Variants in CACNB2 observed in about 807,000 individuals in gnomAD.
CACNB2 encodes the protein calcium voltage-gated channel auxiliary subunit beta 2, also known as voltage-dependent L-type calcium channel subunit beta-2.
CACNB2 carries 42 observed loss-of-function variants against 73.3 expected under a neutral mutation model. The observed-to-expected ratio is 0.57, with a 90% CI of 0.45 to 0.74. The LOEUF is 0.74. Among genes scored for constraint, CACNB2 ranks in the 30% least tolerant of loss-of-function variants. CACNB2 has a pLI of 0.00. For synonymous variants in CACNB2, 348 were observed against 310.3 expected, an observed-to-expected ratio of 1.12 and a Z score of -1.28; for missense variants, 940 against 853.0, an observed-to-expected ratio of 1.10 and a Z score of -1.27.
chr10:18,269,397 C>G (rs2037950584), intron 2 of CACNB2, among the ~76,000 whole-genome samples: 1 of 152,144 alleles, frequency 6.6e-6, no homozygotes, highest in African/African-American at 2.4e-5. Context: ...TCCTATTTCT[C>G]CTAATCTACA....
intron 2 of CACNB2, among the ~76,000 whole-genome samples, chr10:18,202,748 T>C (rs1475679129): frequency 6.6e-6 from 1 of 152,232 alleles, no homozygotes; most frequent in Non-Finnish European, 1.5e-5. Context: ...TTCTGTGTTG[T>C]GGCTGTGGAG....
At chr10:18,404,701 A>G (rs1176333554) in intron 3 of CACNB2, among the ~76,000 whole-genome samples, 1 of 152,180 alleles carries the variant, frequency 6.6e-6, no homozygotes, top group Non-Finnish European at 1.5e-5. Flanking sequence ...ATACAAACAC[A>G]TTATCCACTA....
In CACNB2 at chr10:18,418,882, C is replaced by T. The variant is rs2045157576; in HGVS notation, c.333+16839C>T. ...TACAGTCTAATCTTCTCGTCTTTGG[C>T]TTTCTCGTTTCATTCCCTGGATTTT... is the stretch of plus-strand genomic sequence containing the variant. On this transcript the variant is annotated intron_variant, in intron 3 of 13. Coordinates refer to ENST00000324631, the MANE Select transcript of CACNB2 (RefSeq NM_201596.3). Among the ~76,000 whole-genome samples, 6 of 152,208 alleles carry T rather than the reference C, an allele frequency of 3.9e-5. No homozygotes were observed. The South Asian group carries it at 1.0e-3, about 26-fold the overall frequency.
At chr10:18,251,408 C>A (rs2037084103) in intron 2 of CACNB2, among the ~76,000 whole-genome samples, 1 of 152,062 alleles carries the variant, frequency 6.6e-6, no homozygotes, top group Non-Finnish European at 1.5e-5. Context: ...CCACAACGCC[C>A]AGCCAATTTT....
chr10:18,479,202 A>G (rs1054358784), intron 3 of CACNB2, among the ~76,000 whole-genome samples: 11 of 152,304 alleles, frequency 7.2e-5, no homozygotes, highest in African/African-American at 2.6e-4. Context: ...GTATATCTGT[A>G]TTATATAACA....
chr10:18,416,392 C>T (rs1002544717), intron 3 of CACNB2, among the ~76,000 whole-genome samples: 7 of 152,164 alleles, frequency 4.6e-5, no homozygotes, highest in African/African-American at 1.4e-4. Flanking sequence ...CTCTTGGCTA[C>T]TGTGAATAAT....
Position 18,519,644 on chromosome 10 carries a change from T to TA in CACNB2, c.944+681dup, listed in dbSNP as rs1439698076. The TA allele has an allele frequency of 7.1e-5, 32 of 449,880 alleles. 1 individual carries two copies. Among genetic ancestry groups the TA allele is most frequent in the South Asian group, 5.1e-4 (32 of 63,196 alleles). 27.9% of individuals were successfully genotyped at this position (449,880 alleles called of 1,614,324 possible). ...TTCTAATGGAAACTCCATCACCATG[T>TA]AAAAATGTTAATTCCTATCACATTG... is the stretch of plus-strand genomic sequence containing the variant. On this transcript the variant is annotated intron_variant, in intron 9 of 13. Coordinates refer to ENST00000324631, the MANE Select transcript of CACNB2 (RefSeq NM_201596.3).
chr10:18,390,156 G>C (rs992659179), intron 2 of CACNB2, among the ~76,000 whole-genome samples: 15 of 151,214 alleles, frequency 9.9e-5, no homozygotes, highest in African/African-American at 3.6e-4. Flanking sequence ...AGATTCATTT[G>C]TTTGATTGTT....
chr10:18,435,461 A>G (rs2046086999), intron 3 of CACNB2, among the ~76,000 whole-genome samples: 1 of 152,040 alleles, frequency 6.6e-6, no homozygotes, highest in South Asian at 2.1e-4. Context: ...CAGTAATAAG[A>G]CCATGAAATA....
At chr10:18,341,490 C>A (rs953819346) in intron 2 of CACNB2, among the ~76,000 whole-genome samples, 3 of 152,092 alleles carry the variant, frequency 2.0e-5, no homozygotes, top group African/African-American at 7.2e-5. Context: ...AAAGCTTTGC[C>A]ACACGAGGAC....
intron 2 of CACNB2, among the ~76,000 whole-genome samples, chr10:18,396,286 A>C (rs1209753005): frequency 6.6e-6 from 1 of 152,180 alleles, no homozygotes; most frequent in East Asian, 1.9e-4. Flanking sequence ...TGAAGAAACC[A>C]GTAAAGCAGA....
chr10:18,240,097 T>C (rs1398329215), intron 2 of CACNB2, among the ~76,000 whole-genome samples: 1 of 152,148 alleles, frequency 6.6e-6, no homozygotes, highest in Non-Finnish European at 1.5e-5. Context: ...TTTGTAAAAA[T>C]ATTGAATAAC....
intron 2 of CACNB2, among the ~76,000 whole-genome samples, chr10:18,327,635 G>T (rs1012489287): frequency 6.6e-6 from 1 of 152,142 alleles, no homozygotes; most frequent in African/African-American, 2.4e-5. Flanking sequence ...ACGAAACCAG[G>T]CTGGTCTCAA....
At chr10:18,523,697 A>G (rs1224695973) in intron 9 of CACNB2, among the ~76,000 whole-genome samples, 2 of 152,196 alleles carry the variant, frequency 1.3e-5, no homozygotes, top group East Asian at 3.9e-4. Context: ...TGAATTATTG[A>G]CTGTCTTTGC....
chr10:18,480,534 C>A (rs1823652246), intron 3 of CACNB2, among the ~76,000 whole-genome samples: 1 of 152,190 alleles, frequency 6.6e-6, no homozygotes, highest in African/African-American at 2.4e-5. Context: ...TTGTTGAGTT[C>A]TGTGTTCCCA....
chr10:18,276,600 G>A (rs2131673424), intron 2 of CACNB2, among the ~76,000 whole-genome samples: 1 of 150,404 alleles, frequency 6.6e-6, no homozygotes, highest in East Asian at 2.0e-4. Context: ...TTTTTTTTAA[G>A]ATGGAGTTTT....
At chr10:18,495,873 TTGTACAGGTAAATAAA>T (rs2132984303) in intron 3 of CACNB2, among the ~76,000 whole-genome samples, 1 of 152,134 alleles carries the variant, frequency 6.6e-6, no homozygotes, top group East Asian at 1.9e-4. Context: ...TGTGTTTCAG[TTGTACAGGTAAATAAA>T]TGTACACATT....
chr10:18,383,680 G>A (rs1304198679), intron 2 of CACNB2, among the ~76,000 whole-genome samples: 1 of 151,870 alleles, frequency 6.6e-6, no homozygotes, highest in African/African-American at 2.4e-5. Context: ...ATTAAGCAGA[G>A]AAGAGGAATA....
intron 7 of CACNB2, among the ~76,000 whole-genome samples, chr10:18,517,165 A>T (rs1337894431): frequency 6.6e-6 from 1 of 152,186 alleles, no homozygotes; most frequent in African/African-American, 2.4e-5. Flanking sequence ...TCATTTACAG[A>T]ACATTTTTCT....
Sources: allele counts gnomAD v4.1 joint callset (sites outside exome capture counted in the v4.1 genomes callset), GRCh38; gene constraint gnomAD v4.1.1; transcripts MANE v1.5; gene names NCBI Gene and HGNC (gene_info 2026-07-23, HGNC 2026-07-21).